The following MDM2 variants were observed in gnomAD, a reference collection of about 807,000 sequenced individuals.
MDM2 encodes the protein MDM2 proto-oncogene, also known as E3 ubiquitin-protein ligase Mdm2.
Under a neutral mutation model 64.3 loss-of-function variants are expected in MDM2, and 11 were observed. The observed-to-expected ratio is 0.17, with a 90% CI of 0.11 to 0.28. The LOEUF (loss-of-function observed/expected upper bound fraction) is 0.28. Ranked by LOEUF, MDM2 falls within the 10% of genes least tolerant of loss-of-function variation. The pLI, the probability that MDM2 is intolerant of heterozygous loss-of-function variation, is 1.00. For synonymous variants in MDM2, 194 were observed against 192.9 expected, an observed-to-expected ratio of 1.01 and a Z score of -0.05; for missense variants, 388 against 577.1, an observed-to-expected ratio of 0.67 and a Z score of 3.36.
Position 68,809,217 on chromosome 12 carries a change from C to CA in MDM2, c.26dup (p.Asn9LysfsTer9). The CA allele has an allele frequency of 6.2e-7, 1 of 1,612,900 alleles. No homozygotes were observed. Among genetic ancestry groups the CA allele is most frequent in the Non-Finnish European group, 8.5e-7 (1 of 1,179,520 alleles). ...TTTTTTTTCCTTGTAGGCAAATGTG[C>CA]AATACCAACATGTCTGTACCTACTG... On this transcript the variant is annotated frameshift_variant, in exon 2 of 11. Coordinates refer to ENST00000258149, the MANE Select transcript of MDM2 (RefSeq NM_002392.6). LOFTEE classifies it high-confidence loss of function.
intron 3 of MDM2, chr12:68,815,643 A>G (rs898137672): frequency 1.4e-5 from 6 of 415,314 alleles, no homozygotes; most frequent in Non-Finnish European, 2.4e-5. Flanking sequence ...GAGTTTCACT[A>G]TGTTGCCCAG....
At chr12:68,814,127 A>G (rs558459820) in intron 3 of MDM2, among the ~76,000 whole-genome samples, 177 of 152,356 alleles carry the variant, frequency 1.2e-3, no homozygotes, top group African/African-American at 4.1e-3. Flanking sequence ...ATCTCAGCTC[A>G]CTGCAACCTC....
intron 8 of MDM2, among the ~76,000 whole-genome samples, chr12:68,834,458 C>T (rs1267604353): frequency 2.7e-5 from 4 of 150,094 alleles, no homozygotes; most frequent in East Asian, 2.0e-4. Flanking sequence ...AAAAAAGGGC[C>T]GGGCATGGTG....
chr12:68,834,904 G>T (rs1434045041), intron 8 of MDM2, among the ~76,000 whole-genome samples: 1 of 149,634 alleles, frequency 6.7e-6, no homozygotes, highest in African/African-American at 2.4e-5. Context: ...TGCCCTGAAG[G>T]TCTTACTAGG....
At chr12:68,847,093 C>T (rs951888817), downstream of MDM2, 5 of 147,694 alleles carry the variant, frequency 3.4e-5, no homozygotes, top group Non-Finnish European at 7.4e-5. Flanking sequence ...GAACACAGGC[C>T]TGTTGCCACC....
chr12:68,811,163 CCT>C (rs1880857762), intron 2 of MDM2, among the ~76,000 whole-genome samples: 1 of 152,200 alleles, frequency 6.6e-6, no homozygotes, highest in African/African-American at 2.4e-5. Flanking sequence ...CTGCACCAGG[CCT>C]CCATTTTGTT....
At position 68,809,191 on chromosome 12, in the gene MDM2, CT is replaced by C. The variant is rs555886264; in HGVS notation, c.15-9del. The C allele has an allele frequency of 6.5e-5, 105 of 1,607,714 alleles. No homozygotes were observed. The African/African-American group carries it at 1.2e-3, about 18-fold the overall frequency. ...TCATGATTTCCAGTTTTCATCGTGT[CT>C]TTTTTTTCCTTGTAGGCAAATGTGC... is the stretch of plus-strand genomic sequence containing the variant. On this transcript the variant is annotated splice_polypyrimidine_tract_variant and intron_variant, in intron 1 of 10. Transcript: ENST00000258149.
chr12:68,815,433 CTTTTTT>C (rs58178593), intron 3 of MDM2, among the ~76,000 whole-genome samples: 116 of 93,064 alleles, frequency 1.2e-3, no homozygotes, highest in African/African-American at 2.8e-3. Context: ...GTTTCTTCTT[CTTTTTT>C]TTTTTTTTTT....
chr12:68,848,098 T>A (rs1884454998), downstream of MDM2: 1 of 152,196 alleles, frequency 6.6e-6, no homozygotes, highest in South Asian at 2.1e-4. Context: ...CACTACACTC[T>A]GCTTAGGAGA....
intron 3 of MDM2, among the ~76,000 whole-genome samples, chr12:68,815,391 C>T (rs892681850): frequency 6.8e-6 from 1 of 146,404 alleles, no homozygotes; most frequent in Non-Finnish European, 1.5e-5. Flanking sequence ...GTAAAAAGAG[C>T]GTTGGATTAA....
At chr12:68,823,516 T>G (rs1265695203) in intron 5 of MDM2, among the ~76,000 whole-genome samples, 1 of 152,206 alleles carries the variant, frequency 6.6e-6, no homozygotes, top group East Asian at 1.9e-4. Flanking sequence ...AAATACCAGG[T>G]CTTGTTGGTT....
chr12:68,841,103 C>T lies in MDM2; in HGVS notation c.*1254C>T, dbSNP rs747799163. 5.6e-4 allele frequency: 106 copies of T among 188,844 alleles called. No homozygotes were observed. The highest frequency in any genetic ancestry group is 2.6e-3 in the Admixed American group (42 of 16,190). 11.7% of individuals were successfully genotyped at this position (188,844 alleles called of 1,614,324 possible). On this transcript the variant is annotated 3_prime_UTR_variant, in exon 11 of 11. Transcript: ENST00000258149. ...TCAAGTGATCTACTCACCTCAGCCT[C>T]CCAAAATGCTGGGATTACAGATGTG...
chr12:68,817,078 C>G, intron 4 of MDM2, 133 bp downstream of exon 4: 5 of 1,008,110 alleles, frequency 5.0e-6, no homozygotes, highest in Non-Finnish European at 7.0e-6. Flanking sequence ...AATTTTTTAG[C>G]TCTGCGGCAT....
chr12:68,822,501 C>CT (rs1484090220), intron 5 of MDM2, among the ~76,000 whole-genome samples: 4 of 151,460 alleles, frequency 2.6e-5, no homozygotes, highest in African/African-American at 9.7e-5. Context: ...TTTTAAAGCT[C>CT]TTTAAGAAAT....
chr12:68,828,498 C>T (rs796385055), intron 7 of MDM2: 37 of 303,462 alleles, frequency 1.2e-4, no homozygotes, highest in African/African-American at 7.5e-4. Context: ...CACTTGAGCC[C>T]ATGAGGCAGA....
At chr12:68,823,411 A>T (rs1053745279) in intron 5 of MDM2, among the ~76,000 whole-genome samples, 3 of 152,128 alleles carry the variant, frequency 2.0e-5, no homozygotes, top group Admixed American at 6.6e-5. Flanking sequence ...TTATCTTTCT[A>T]AAGTTTCTCT....
At position 68,835,989 on chromosome 12, in the gene MDM2, T is replaced by TA. The variant is rs774872609; in HGVS notation, c.840+6dup. The TA allele has an allele frequency of 5.0e-6, 8 of 1,591,212 alleles. No homozygotes were observed. In the African/African-American group the frequency reaches 1.1e-4, roughly 21 times the overall value. On this transcript the variant is annotated splice_donor_region_variant and intron_variant, in intron 9 of 10. Transcript: ENST00000258149. ...CTCTCAGATGAAGATGATGAGGTAG[T>TA]ATTTTTTTTCCCCTCTAATTATATT...
chr12:68,818,884 C>G (rs914711102), intron 4 of MDM2, among the ~76,000 whole-genome samples: 16 of 152,006 alleles, frequency 1.1e-4, no homozygotes, highest in South Asian at 2.1e-4. Flanking sequence ...GTGCACACTA[C>G]TATGAGCAGC....
chr12:68,835,605 C>T (rs1829093886), intron 8 of MDM2, among the ~76,000 whole-genome samples: 1 of 152,146 alleles, frequency 6.6e-6, no homozygotes, highest in Admixed American at 6.5e-5. Context: ...CAGGATGGAT[C>T]TGAGGAGGAA....
Sources: gnomAD v4.1 joint callset for allele counts (sites outside exome capture counted in the v4.1 genomes callset) on GRCh38, gnomAD v4.1.1 for gene constraint, MANE v1.5 for transcripts, NCBI Gene and HGNC (gene_info 2026-07-23, HGNC 2026-07-21) for gene names.